CACNA1B: variants seen among roughly 807,000 people sequenced by gnomAD.
CACNA1B encodes voltage-dependent N-type calcium channel subunit alpha-1B.
CACNA1B carries 70 observed loss-of-function variants against 247.2 expected under a neutral mutation model. That is an observed-to-expected ratio of 0.28 (90% CI 0.23 to 0.35). CACNA1B has a LOEUF of 0.35. Among genes scored for constraint, CACNA1B ranks in the 10% least tolerant of loss-of-function variants. The probability of loss-of-function intolerance (pLI) is 1.00; values close to 1 mark genes in which losing one functional copy is unlikely to be tolerated. For synonymous variants in CACNA1B, 1,231 were observed against 1,294.4 expected, an observed-to-expected ratio of 0.95 and a Z score of 1.05; for missense variants, 2,367 against 3,197.4, an observed-to-expected ratio of 0.74 and a Z score of 6.26.
At chr9:138,045,728 A>AT (rs1333942967) in intron 21 of CACNA1B, among the ~76,000 whole-genome samples, 1 of 152,158 alleles carries the variant, frequency 6.6e-6, no homozygotes, top group Admixed American at 6.5e-5. Context: ...TGACGGCTGA[A>AT]TTAGAAGGAA....
intron 6 of CACNA1B, among the ~76,000 whole-genome samples, chr9:137,938,422 G>A (rs888081652): frequency 3.9e-5 from 6 of 152,082 alleles, no homozygotes; most frequent in African/African-American, 7.2e-5. Flanking sequence ...CAATATTAAT[G>A]TTGAATGTAA....
chr9:138,115,751 C>T, intron 42 of CACNA1B, 72 bp downstream of exon 42: 3 of 1,478,072 alleles, frequency 2.0e-6, no homozygotes, highest in Non-Finnish European at 2.8e-6. Flanking sequence ...AGCAGACATC[C>T]CATTTCCTCA....
intron 41 of CACNA1B, 114 bp from the exon 42 acceptor site, chr9:138,115,438 G>A: frequency 8.9e-7 from 1 of 1,118,792 alleles, no homozygotes; most frequent in Non-Finnish European, 1.3e-6. Flanking sequence ...GAGCCCTTAG[G>A]CTGGGCTTGA....
intron 36 of CACNA1B, among the ~76,000 whole-genome samples, chr9:138,081,380 C>G (rs1960518938): frequency 6.6e-6 from 1 of 152,218 alleles, no homozygotes; most frequent in South Asian, 2.1e-4. Context: ...CTTACTGAAA[C>G]TGTAATCCTA....
chr9:137,941,770 C>T (rs1212697053), intron 6 of CACNA1B, among the ~76,000 whole-genome samples: 2 of 152,152 alleles, frequency 1.3e-5, no homozygotes, highest in African/African-American at 2.4e-5. Context: ...GGATAATTGG[C>T]AAGCCACATG....
chr9:137,967,363 C>G (rs1365687980), intron 10 of CACNA1B, among the ~76,000 whole-genome samples: 2 of 152,216 alleles, frequency 1.3e-5, no homozygotes, highest in African/African-American at 4.8e-5. Flanking sequence ...AGGGTGTTCA[C>G]TTTTCATTCT....
Position 138,084,172 on chromosome 9 carries a change from G to A in CACNA1B, c.5094+5914G>A, listed in dbSNP as rs374041612. Reference sequence around the variant, plus strand: ...CTGTGGGCAACGTACACCCAACTCTGCCCCAGGGAGCAAACCTGTACCCCA... The same window carrying A: ...CTGTGGGCAACGTACACCCAACTCTACCCCAGGGAGCAAACCTGTACCCCA... On this transcript the variant is annotated intron_variant, in intron 36 of 46. Coordinates refer to ENST00000371372, the MANE Select transcript of CACNA1B (RefSeq NM_000718.4). Among the ~76,000 whole-genome samples the A allele has an allele frequency of 1.3e-4, 20 of 150,964 alleles. 3 individuals carry two copies. The East Asian group carries it at 1.6e-3, about 12-fold the overall frequency.
rs187089264 is a variant in CACNA1B, at chr9:138,096,423, G to A, written c.5095-61G>A. The stretch of plus-strand genomic sequence containing the variant: ...TCACACACACTGGAGAGTGGTGGGG[G>A]GCGGCGGGGAGGGCAGGCTGAGGTC... On this transcript the variant is annotated intron_variant, in intron 36 of 46. Coordinates refer to ENST00000371372, the MANE Select transcript of CACNA1B (RefSeq NM_000718.4). 4,930 of 1,482,178 alleles carry A rather than the reference G, an allele frequency of 3.3e-3. 19 individuals are homozygous for A. Among genetic ancestry groups the A allele is most frequent in the Non-Finnish European group, 4.0e-3 (4,267 of 1,068,488 alleles). 91.8% of individuals were successfully genotyped at this position (1,482,178 alleles called of 1,614,324 possible). A position where few individuals can be genotyped will look rare whatever the true frequency, so the allele number is the denominator to read the frequency against.
chr9:138,026,770 C>T (rs1958925392), intron 20 of CACNA1B, among the ~76,000 whole-genome samples: 1 of 152,170 alleles, frequency 6.6e-6, no homozygotes, highest in South Asian at 2.1e-4. Flanking sequence ...AAGTTTTCAA[C>T]TCATTTGGGT....
intron 10 of CACNA1B, among the ~76,000 whole-genome samples, chr9:137,966,699 C>T (rs2133358579): frequency 6.6e-6 from 1 of 151,786 alleles, no homozygotes; most frequent in Non-Finnish European, 1.5e-5. Flanking sequence ...CCACCACGCC[C>T]AGCTAATTTT....
At chr9:137,922,354 G>A (rs1252082592) in intron 6 of CACNA1B, among the ~76,000 whole-genome samples, 1 of 151,104 alleles carries the variant, frequency 6.6e-6, no homozygotes, top group Non-Finnish European at 1.5e-5. Flanking sequence ...AGCATCCTGG[G>A]AGCAGAGTAA....
chr9:138,055,591 T>C (rs12344146), intron 26 of CACNA1B, among the ~76,000 whole-genome samples: 7,382 of 152,270 alleles, frequency 0.048, 601 homozygotes, highest in African/African-American at 0.17. Context: ...ATCTGCAGTT[T>C]ACTTGGAAGT....
rs1440887333 is a variant in CACNA1B, at chr9:137,954,879, T to TGTGTGTGTGTGTGTGAGAGA, written c.1071-818_1071-817insTGTGTGTGTGTGTGAGAGAG. 4.8e-5 allele frequency among the ~76,000 whole-genome samples: 7 copies of TGTGTGTGTGTGTGTGAGAGA among 145,284 alleles called. No individual in the cohort carries two copies. The East Asian group carries it at 1.1e-3, about 23-fold the overall frequency. On this transcript the variant is annotated intron_variant, in intron 7 of 46. Coordinates refer to ENST00000371372, the MANE Select transcript of CACNA1B (RefSeq NM_000718.4). The surrounding 1 kb of genome is among the most constrained non-coding windows in gnomAD (Gnocchi z 4.1). Reference sequence around the variant, plus strand: ...GCTTGTGTGTGTGTGTGTGTGTGTGTGAGAGAGAGAGAGAGAGAGAGAGGG... The same window carrying TGTGTGTGTGTGTGTGAGAGA: ...GCTTGTGTGTGTGTGTGTGTGTGTGTGTGTGTGTGTGTGTGAGAGAGAGAGAGAGAGAGAGAGAGAGAGGG...
chr9:138,087,905 A>G (rs995392817), intron 36 of CACNA1B, among the ~76,000 whole-genome samples: 1 of 152,116 alleles, frequency 6.6e-6, no homozygotes, highest in African/African-American at 2.4e-5. Context: ...ATAAAAGCCT[A>G]CATCAGAAAC....
chr9:138,098,185 A>G (rs1245322032), intron 37 of CACNA1B, among the ~76,000 whole-genome samples: 3 of 152,230 alleles, frequency 2.0e-5, no homozygotes, highest in Non-Finnish European at 2.9e-5. Context: ...GAACCCTGTC[A>G]TGTCCGATGC....
chr9:138,078,031 G>C (rs1960386972), intron 35 of CACNA1B, 83 bp from the exon 36 acceptor site: 1 of 1,259,378 alleles, frequency 7.9e-7, no homozygotes, highest in Non-Finnish European at 1.1e-6. Context: ...GAGCCCAAAG[G>C]AGTGGGCACG....
intron 6 of CACNA1B, among the ~76,000 whole-genome samples, chr9:137,918,750 T>C (rs371613338): frequency 9.2e-5 from 14 of 152,284 alleles, no homozygotes; most frequent in African/African-American, 3.4e-4. Context: ...ATTTGCTAAA[T>C]GCTTATTGAG....
At chr9:137,977,791 T>C (rs576167849) in intron 12 of CACNA1B, among the ~76,000 whole-genome samples, 3 of 152,174 alleles carry the variant, frequency 2.0e-5, no homozygotes, top group African/African-American at 7.2e-5. Flanking sequence ...AGCCCTCCCG[T>C]AAGGAGCAAC....
At chr9:137,935,712 C>T (rs1957658144) in intron 6 of CACNA1B, among the ~76,000 whole-genome samples, 1 of 152,246 alleles carries the variant, frequency 6.6e-6, no homozygotes, top group African/African-American at 2.4e-5. Context: ...AGTTTACACT[C>T]CCAACAACAG....
Sources: gnomAD v4.1 joint callset for allele counts (sites outside exome capture counted in the v4.1 genomes callset) on GRCh38, gnomAD v4.1.1 for gene constraint, Gnocchi (gnomAD v3.1) non-coding constraint, MANE v1.5 for transcripts, NCBI Gene and HGNC (gene_info 2026-07-23, HGNC 2026-07-21) for gene names.